Variants in P4HA1 observed in about 807,000 individuals in gnomAD.
The protein encoded by P4HA1 is prolyl 4-hydroxylase subunit alpha 1.
In P4HA1, 24 loss-of-function variants were observed where a neutral mutation model predicts 72.8. The ratio of observed to expected loss-of-function variants is 0.33; its 90% CI spans 0.24 to 0.46. The LOEUF is 0.46. P4HA1 is among the 20% of genes least tolerant of loss of function. P4HA1 has a pLI of 1.00. For synonymous variants in P4HA1, 201 were observed against 218.8 expected (o/e 0.92, Z 0.72); for missense variants, 446 against 640.6 (o/e 0.70, Z 3.28).
intron 1 of P4HA1, among the ~76,000 whole-genome samples, chr10:73,095,096 G>C (rs1378136494): frequency 6.6e-6 from 1 of 151,924 alleles, no homozygotes; most frequent in African/African-American, 2.4e-5. Context: ...CAGGACTTAA[G>C]GCACAATGTC....
At chr10:73,077,204 T>G (rs1410544275) in intron 1 of P4HA1, among the ~76,000 whole-genome samples, 1 of 152,254 alleles carries the variant, frequency 6.6e-6, no homozygotes, top group African/African-American at 2.4e-5. Context: ...TGTTTAAACA[T>G]ACTTCTATTC....
intron 9 of P4HA1, 144 bp downstream of exon 9, chr10:73,044,837 T>C: frequency 2.0e-6 from 1 of 502,130 alleles, no homozygotes; most frequent in Non-Finnish European, 3.5e-6. Context: ...CAAAGCAGTT[T>C]ATCCATGCGT....
At position 73,074,794 on chromosome 10, in the gene P4HA1, G is replaced by A; in HGVS notation, c.76+14C>T. 1 of 1,399,122 alleles carries A rather than the reference G, an allele frequency of 7.1e-7. No homozygotes were observed. Among genetic ancestry groups the A allele is most frequent in the South Asian group, 1.2e-5 (1 of 84,988 alleles). 86.7% of individuals were successfully genotyped at this position (1,399,122 alleles called of 1,614,324 possible). On this transcript the variant is annotated intron_variant, in intron 2 of 14. Coordinates refer to ENST00000394890, the MANE Select transcript of P4HA1 (RefSeq NM_001017962.3). ...ATGCAAAACCAACAAAAAACAACAAGTAGTAAGACTTACCAATTGAAGTAA... is the reference window on the plus strand; with the variant it reads ...ATGCAAAACCAACAAAAAACAACAAATAGTAAGACTTACCAATTGAAGTAA...
chr10:73,079,328 TC>T (rs1402565890), intron 1 of P4HA1, among the ~76,000 whole-genome samples: 1 of 152,054 alleles, frequency 6.6e-6, no homozygotes, highest in East Asian at 1.9e-4. Context: ...GTGGTAGTAG[TC>T]CCAGCTACTC....
chr10:73,019,749 A>C (rs1350764645), intron 10 of P4HA1, among the ~76,000 whole-genome samples: 1 of 149,230 alleles, frequency 6.7e-6, no homozygotes, highest in African/African-American at 2.4e-5. Context: ...AAAAAAAAAG[A>C]ATTCAATGAA....
chr10:73,079,528 G>A (rs1417144052), intron 1 of P4HA1, among the ~76,000 whole-genome samples: 2 of 152,196 alleles, frequency 1.3e-5, no homozygotes, highest in Non-Finnish European at 2.9e-5. Flanking sequence ...GATCACCTGA[G>A]GTGAGGAGTT....
rs1226884968 is a variant in P4HA1 at position 73,068,888 on chromosome 10, A to T, written c.421T>A (p.Tyr141Asn). ...GAGATGGTATCTGTATCCAAATTGT[A>T]GGTATCCTGGAGACGTAACAGAGCT... ...AKALLRLQDT[Y>N]NLDTDTISKG... is the part of the protein sequence containing the mutation. Residue 141 changes from tyrosine to asparagine, a missense_variant, in exon 5 of 15, where the codon TAC becomes AAC. By Grantham distance (143) the Tyr-to-Asn change is moderately radical. Coordinates refer to ENST00000394890, the MANE Select transcript of P4HA1 (RefSeq NM_001017962.3). 1 of 1,612,298 alleles carries T rather than the reference A, an allele frequency of 6.2e-7. No individual in the cohort carries two copies. Among genetic ancestry groups the T allele is most frequent in the Non-Finnish European group, 8.5e-7 (1 of 1,178,564 alleles).
chr10:73,024,422 T>C, intron 10 of P4HA1, among the ~76,000 whole-genome samples: 1 of 152,158 alleles, frequency 6.6e-6, no homozygotes, highest in Non-Finnish European at 1.5e-5. Flanking sequence ...AAGGCAGAAA[T>C]AAACATGTTC....
Position 73,008,188 on chromosome 10 carries a change from GT to G in P4HA1, c.*33del, listed in dbSNP as rs747538157. On this transcript the variant is annotated 3_prime_UTR_variant, in exon 15 of 15. Transcript: ENST00000394890. ...AAATGTGTATATCAGACACATAAGA[GT>G]ACAACAATAGGAGAAAAAGGGAAGC... is the stretch of plus-strand genomic sequence containing the variant. 1 of 1,372,718 alleles carries G rather than the reference GT, an allele frequency of 7.3e-7. No individual in the cohort carries two copies. The highest frequency in any genetic ancestry group is 1.0e-6 in the Non-Finnish European group (1 of 962,150). 85.0% of individuals were successfully genotyped at this position (1,372,718 alleles called of 1,614,324 possible).
At chr10:73,017,362 C>T (rs1180969989) in intron 10 of P4HA1, among the ~76,000 whole-genome samples, 1 of 151,966 alleles carries the variant, frequency 6.6e-6, no homozygotes. Context: ...CAGAGACAGG[C>T]TGGAGTGCAG....
intron 1 of P4HA1, among the ~76,000 whole-genome samples, chr10:73,087,558 G>A (rs1841948958): frequency 6.6e-6 from 1 of 152,038 alleles, no homozygotes; most frequent in African/African-American, 2.4e-5. Flanking sequence ...GACCCACCAT[G>A]CCTGGCCTAT....
chr10:73,082,564 T>C (rs1841848558), intron 1 of P4HA1: 2 of 152,336 alleles, frequency 1.3e-5, no homozygotes, highest in East Asian at 1.9e-4. Context: ...TGTGATCAAT[T>C]AGTTGTAAAC....
intron 1 of P4HA1, among the ~76,000 whole-genome samples, chr10:73,095,277 T>G (rs1197762758): frequency 6.6e-6 from 1 of 150,546 alleles, no homozygotes; most frequent in Non-Finnish European, 1.5e-5. Flanking sequence ...TATTCACATT[T>G]CACATGAAGA....
intron 10 of P4HA1, among the ~76,000 whole-genome samples, chr10:73,025,313 T>TA (rs1368444215): frequency 6.6e-6 from 1 of 152,188 alleles, no homozygotes; most frequent in Non-Finnish European, 1.5e-5. Context: ...TGGTTCAACA[T>TA]ACACAAATCA....
At chr10:73,088,041 T>C (rs1165203538) in intron 1 of P4HA1, among the ~76,000 whole-genome samples, 1 of 152,202 alleles carries the variant, frequency 6.6e-6, no homozygotes, top group Non-Finnish European at 1.5e-5. Context: ...TTTATAGCTG[T>C]ACATTTTACT....
intron 7 of P4HA1, among the ~76,000 whole-genome samples, chr10:73,047,574 A>AT (rs139017709): frequency 0.05 from 7,485 of 149,310 alleles, 673 homozygotes; most frequent in African/African-American, 0.17. Context: ...AAAAAAAGGA[A>AT]TTTTTTTAAG....
intron 5 of P4HA1, among the ~76,000 whole-genome samples, chr10:73,057,291 T>G (rs1841173969): frequency 6.6e-6 from 1 of 150,434 alleles, no homozygotes; most frequent in East Asian, 2.0e-4. Flanking sequence ...GAGATCGCGA[T>G]CATCCTGGCT....
chr10:73,044,801 A>T (rs1018715937), intron 9 of P4HA1, among the ~76,000 whole-genome samples, 180 bp downstream of exon 9: 2 of 152,226 alleles, frequency 1.3e-5, no homozygotes, highest in Non-Finnish European at 2.9e-5. Context: ...CAGAACTTCT[A>T]GTGAAGGAGA....
chr10:73,029,205 A>C (rs866158320), intron 10 of P4HA1, among the ~76,000 whole-genome samples: 1 of 152,006 alleles, frequency 6.6e-6, no homozygotes, highest in South Asian at 2.1e-4. Context: ...TGAGGTCAGG[A>C]GTTCAAGAGC....
Sources: allele counts gnomAD v4.1 joint callset (sites outside exome capture counted in the v4.1 genomes callset), GRCh38; gene constraint gnomAD v4.1.1; transcripts MANE v1.5; gene names NCBI Gene and HGNC (gene_info 2026-07-23, HGNC 2026-07-21).